The following KCNQ3 variants were observed in gnomAD, a reference collection of about 807,000 sequenced individuals.
KCNQ3 encodes potassium voltage-gated channel subfamily Q member 3.
A neutral mutation model predicts 92.5 loss-of-function variants in KCNQ3; 30 were observed. The ratio of observed to expected loss-of-function variants is 0.32; its 90% CI spans 0.24 to 0.44. KCNQ3 has a LOEUF of 0.44. Ranked by LOEUF, KCNQ3 falls within the 20% of genes least tolerant of loss-of-function variation. The pLI, the probability that KCNQ3 is intolerant of heterozygous loss-of-function variation, is 1.00. For missense variants in KCNQ3, 913 were observed against 1,140.3 expected (o/e 0.80, Z 2.87); for synonymous variants, 450 against 468.8 (o/e 0.96, Z 0.52).
chr8:132,245,214 A>G (rs7820812), intron 1 of KCNQ3, among the ~76,000 whole-genome samples: 87,766 of 151,860 alleles, frequency 0.58, 26,140 homozygotes, highest in East Asian at 0.81. Flanking sequence ...CTTGCACCCC[A>G]GGCAGTTGTA....
At chr8:132,345,634 G>A (rs12680431) in intron 1 of KCNQ3, among the ~76,000 whole-genome samples, 12,922 of 152,232 alleles carry the variant, frequency 0.085, 620 homozygotes, top group South Asian at 0.17. Context: ...TCCAACTGGG[G>A]AATGTTTTTC....
intron 1 of KCNQ3, among the ~76,000 whole-genome samples, chr8:132,404,030 A>G (rs534859790): frequency 3.3e-4 from 51 of 152,304 alleles, no homozygotes; most frequent in Admixed American, 2.8e-3. Context: ...CCCATTCTGT[A>G]CATCTCCACA....
At chr8:132,187,310 C>G in intron 1 of KCNQ3, 1 of 454,316 alleles carries the variant, frequency 2.2e-6, no homozygotes, top group Admixed American at 2.4e-5. Flanking sequence ...CACGAGCTCA[C>G]AGTCCAGATA....
chr8:132,427,143 G>C (rs889308963), intron 1 of KCNQ3, among the ~76,000 whole-genome samples: 1 of 152,226 alleles, frequency 6.6e-6, no homozygotes, highest in African/African-American at 2.4e-5. Context: ...GGTCATGATT[G>C]ATTAGTGATG....
At chr8:132,294,121 C>G (rs185911828) in intron 1 of KCNQ3, among the ~76,000 whole-genome samples, 8 of 151,538 alleles carry the variant, frequency 5.3e-5, no homozygotes, top group Admixed American at 2.6e-4. Context: ...CTGCTTCAGC[C>G]TCCCAAGTAG....
intron 1 of KCNQ3, among the ~76,000 whole-genome samples, chr8:132,322,492 A>G (rs1817922843): frequency 6.6e-6 from 1 of 152,184 alleles, no homozygotes; most frequent in Admixed American, 6.5e-5. Context: ...CTGTAAGGAC[A>G]TGGGCAGAAT....
chr8:132,391,011 T>G (rs1820034926), intron 1 of KCNQ3, among the ~76,000 whole-genome samples: 1 of 152,190 alleles, frequency 6.6e-6, no homozygotes, highest in Non-Finnish European at 1.5e-5. Flanking sequence ...GGGAAAGAAA[T>G]GCAGTTTCAG....
At chr8:132,246,120 A>T (rs1481816543) in intron 1 of KCNQ3, among the ~76,000 whole-genome samples, 1 of 152,206 alleles carries the variant, frequency 6.6e-6, no homozygotes, top group Non-Finnish European at 1.5e-5. Flanking sequence ...GGGCATGGCC[A>T]GGGGCCCTCA....
intron 1 of KCNQ3, among the ~76,000 whole-genome samples, chr8:132,421,949 C>T (rs1253764273): frequency 1.3e-5 from 2 of 152,164 alleles, no homozygotes; most frequent in African/African-American, 4.8e-5. Context: ...CTCCCTTCCT[C>T]TTCTGGTGGG....
chr8:132,436,904 CT>C (rs1381948751), intron 1 of KCNQ3, among the ~76,000 whole-genome samples: 2 of 152,116 alleles, frequency 1.3e-5, no homozygotes, highest in Non-Finnish European at 2.9e-5. Flanking sequence ...CCAGGTGTCT[CT>C]TGTCTTTGGC....
intron 1 of KCNQ3, among the ~76,000 whole-genome samples, chr8:132,332,950 G>A (rs956741529): frequency 6.6e-6 from 1 of 152,144 alleles, no homozygotes; most frequent in Non-Finnish European, 1.5e-5. Context: ...CTTGAGTTCT[G>A]GGAAGGACCC....
In KCNQ3 at chr8:132,382,838, G is replaced by A. The variant is rs576245427; in HGVS notation, c.386+97309C>T. Among the ~76,000 whole-genome samples the A allele has an allele frequency of 4.1e-4, 62 of 152,252 alleles. 1 individual carries two copies. The South Asian group carries it at 0.011, about 28-fold the overall frequency. ...TAAGGAATCAAAGGAGCCTGCACCC[G>A]GATCCTGGTTCTGCCACTTCTCAGC... is the stretch of plus-strand genomic sequence containing the variant. On this transcript the variant is annotated intron_variant, in intron 1 of 14. Transcript: ENST00000388996.
chr8:132,355,796 C>G (rs1819004461), intron 1 of KCNQ3, among the ~76,000 whole-genome samples: 1 of 152,182 alleles, frequency 6.6e-6, no homozygotes, highest in African/African-American at 2.4e-5. Flanking sequence ...CACTTAACAA[C>G]CACGGAGTCT....
intron 1 of KCNQ3, among the ~76,000 whole-genome samples, chr8:132,460,870 C>T (rs372549059): frequency 1.3e-4 from 20 of 152,154 alleles, no homozygotes; most frequent in African/African-American, 3.4e-4. Flanking sequence ...ATATCACCTG[C>T]GCTTCATCTA....
chr8:132,244,693 T>C (rs1284973343), intron 1 of KCNQ3, among the ~76,000 whole-genome samples: 2 of 152,160 alleles, frequency 1.3e-5, no homozygotes, highest in Non-Finnish European at 2.9e-5. Context: ...GAGGTCAGGT[T>C]TGAGGATCTC....
At chr8:132,173,603 G>T (rs1053019142) in intron 6 of KCNQ3, among the ~76,000 whole-genome samples, 1 of 152,110 alleles carries the variant, frequency 6.6e-6, no homozygotes, top group African/African-American at 2.4e-5. Context: ...AACAGCACCC[G>T]ACCCATAATG....
rs112468297 is a variant in KCNQ3, at chr8:132,342,748, T to C, written c.386+137399A>G. Reference sequence around the variant, plus strand: ...TGTAGGCATTTGAGTCTGTAAGTGCTGGACTACAGTTTCAAATTTATAATA... The same window carrying C: ...TGTAGGCATTTGAGTCTGTAAGTGCCGGACTACAGTTTCAAATTTATAATA... On this transcript the variant is annotated intron_variant, in intron 1 of 14. Coordinates refer to ENST00000388996, the MANE Select transcript of KCNQ3 (RefSeq NM_004519.4). Among the ~76,000 whole-genome samples the C allele has an allele frequency of 1.4e-3, 217 of 152,360 alleles. 4 individuals are homozygous for C. Among genetic ancestry groups the C allele is most frequent in the African/African-American group, 5.1e-3 (211 of 41,584 alleles).
At chr8:132,275,835 C>T (rs1198675921) in intron 1 of KCNQ3, among the ~76,000 whole-genome samples, 1 of 152,190 alleles carries the variant, frequency 6.6e-6, no homozygotes, top group Admixed American at 6.5e-5. Flanking sequence ...CCTCGGCCTC[C>T]CAAAGTGCTG....
chr8:132,453,481 G>A (rs1382281175), intron 1 of KCNQ3, among the ~76,000 whole-genome samples: 1 of 152,158 alleles, frequency 6.6e-6, no homozygotes, highest in Non-Finnish European at 1.5e-5. Flanking sequence ...CAGACTCTGT[G>A]TATCTTCGGC....
Sources: gnomAD v4.1 joint callset for allele counts (sites outside exome capture counted in the v4.1 genomes callset) on GRCh38, gnomAD v4.1.1 for gene constraint, MANE v1.5 for transcripts, NCBI Gene and HGNC (gene_info 2026-07-23, HGNC 2026-07-21) for gene names.